The following DLG1 variants were observed in gnomAD, a reference collection of about 807,000 sequenced individuals.
DLG1 encodes discs large MAGUK scaffold protein 1, also known as disks large homolog 1.
Under a neutral mutation model 123.4 loss-of-function variants are expected in DLG1, and 42 were observed. The observed-to-expected ratio is 0.34, with a 90% CI of 0.27 to 0.44. DLG1 has a LOEUF of 0.44. Ranked by LOEUF, DLG1 falls within the 20% of genes least tolerant of loss-of-function variation. The pLI, the probability that DLG1 is intolerant of heterozygous loss-of-function variation, is 1.00. For missense variants in DLG1, 942 were observed against 1,082.6 expected, an observed-to-expected ratio of 0.87 and a Z score of 1.82; for synonymous variants, 317 against 356.2, an observed-to-expected ratio of 0.89 and a Z score of 1.24.
At chr3:197,259,472 A>G (rs1412644138) in intron 4 of DLG1, among the ~76,000 whole-genome samples, 1 of 152,030 alleles carries the variant, frequency 6.6e-6, no homozygotes, top group Non-Finnish European at 1.5e-5. Context: ...AAATTTACCT[A>G]CTCTTTTATT....
chr3:197,292,881 T>C (rs1374889281), intron 3 of DLG1, among the ~76,000 whole-genome samples: 2 of 152,322 alleles, frequency 1.3e-5, no homozygotes, highest in South Asian at 2.1e-4. Context: ...GTTTTTCTCA[T>C]GCACAAGGAA....
At chr3:197,196,436 T>A (rs1057353847) in intron 4 of DLG1, among the ~76,000 whole-genome samples, 1 of 152,116 alleles carries the variant, frequency 6.6e-6, no homozygotes, top group Non-Finnish European at 1.5e-5. Flanking sequence ...GACGTTAACA[T>A]AAACATAGAA....
At chr3:197,273,326 C>A (rs978644877) in intron 4 of DLG1, among the ~76,000 whole-genome samples, 7 of 151,808 alleles carry the variant, frequency 4.6e-5, no homozygotes, top group Non-Finnish European at 1.0e-4. Flanking sequence ...CGGCTCACTG[C>A]AACCTCTGCT....
At chr3:197,227,701 C>T (rs1740710216) in intron 4 of DLG1, among the ~76,000 whole-genome samples, 1 of 152,152 alleles carries the variant, frequency 6.6e-6, no homozygotes, top group African/African-American at 2.4e-5. Context: ...CTCAAGAACA[C>T]TTTTAATTCC....
intron 11 of DLG1, among the ~76,000 whole-genome samples, chr3:197,122,869 G>A (rs1043093877): frequency 6.6e-6 from 1 of 151,780 alleles, no homozygotes; most frequent in Admixed American, 6.6e-5. Context: ...AAATTAAAAA[G>A]GAAATTCAAA....
chr3:197,080,648 G>A (rs1203223045), intron 17 of DLG1: 1 of 154,510 alleles, frequency 6.5e-6, no homozygotes, highest in Non-Finnish European at 1.4e-5. Flanking sequence ...TTTTGGTAGA[G>A]ACGGGGTTTC....
chr3:197,089,229 T>C (rs1263053700), intron 15 of DLG1, among the ~76,000 whole-genome samples: 2 of 152,020 alleles, frequency 1.3e-5, no homozygotes, highest in Admixed American at 1.3e-4. Flanking sequence ...AGATAATATA[T>C]GGTTTTAAAA....
chr3:197,044,957 A>T (rs1560272315), intron 24 of DLG1, among the ~76,000 whole-genome samples: 2 of 152,170 alleles, frequency 1.3e-5, no homozygotes, highest in African/African-American at 4.8e-5. Context: ...AGACTTGGAG[A>T]TCTTTTCTTT....
At chr3:197,112,221 A>T (rs529938264) in intron 13 of DLG1, among the ~76,000 whole-genome samples, 1 of 152,312 alleles carries the variant, frequency 6.6e-6, no homozygotes, top group South Asian at 2.1e-4. Flanking sequence ...ACCTATTTTT[A>T]TCTAGGCATA....
rs972400967 is a variant in DLG1 at position 197,111,861 on chromosome 3, T to G, written c.1443+4066A>C. ...TGTTCCTTTTAATTGCTGAGTAGTA[T>G]TATATTGTGTAAACATACCACAATT... On this transcript the variant is annotated intron_variant, in intron 13 of 24. Transcript: ENST00000667157. Among the ~76,000 whole-genome samples the G allele has an allele frequency of 3.3e-5, 5 of 152,112 alleles. No individual in the cohort carries two copies. The South Asian group carries it at 6.2e-4, about 19-fold the overall frequency.
intron 4 of DLG1, among the ~76,000 whole-genome samples, chr3:197,205,802 G>A (rs879578004): frequency 6.6e-6 from 1 of 152,186 alleles, no homozygotes; most frequent in African/African-American, 2.4e-5. Context: ...TGTCTGAGGA[G>A]GCTCTACAGA....
At chr3:197,151,811 G>A (rs1241646538) in intron 5 of DLG1, among the ~76,000 whole-genome samples, 1 of 147,254 alleles carries the variant, frequency 6.8e-6, no homozygotes, top group Non-Finnish European at 1.5e-5. Flanking sequence ...GGGAGGCCAA[G>A]GCTGGTGGAT....
At position 197,051,640 on chromosome 3, in the gene DLG1, GTTC is replaced by G. The variant is rs760359955; in HGVS notation, c.2509_2511del (p.Glu837del). On this transcript the variant is annotated inframe_deletion, in exon 24 of 25. Transcript: ENST00000667157. The stretch of plus-strand genomic sequence containing the variant: ...GCTCTCTCAAATGTTTTTCTGGCTT[GTTC>G]TTCTGTTAGACGCTTATTCATTTCC... 3 of 1,613,444 alleles carry G rather than the reference GTTC, an allele frequency of 1.9e-6. No homozygotes were observed. The African/African-American group carries it at 4.0e-5, about 22-fold the overall frequency.
At chr3:197,101,910 T>C (rs1197373578) in intron 14 of DLG1, among the ~76,000 whole-genome samples, 1 of 152,084 alleles carries the variant, frequency 6.6e-6, no homozygotes, top group Admixed American at 6.5e-5. Flanking sequence ...CACGCATGGC[T>C]AATTAAAAAA....
intron 5 of DLG1, among the ~76,000 whole-genome samples, chr3:197,151,783 C>T (rs569395518): frequency 6.6e-6 from 1 of 152,336 alleles, no homozygotes; most frequent in African/African-American, 2.4e-5. Context: ...TGGCTCATGC[C>T]TGTAATCCTA....
chr3:197,234,539 T>C (rs1449365332), intron 4 of DLG1, among the ~76,000 whole-genome samples: 1 of 152,156 alleles, frequency 6.6e-6, no homozygotes, highest in African/African-American at 2.4e-5. Flanking sequence ...GCCATTATAA[T>C]ATGGACAGAC....
chr3:197,188,499 G>A (rs569338421), intron 5 of DLG1, among the ~76,000 whole-genome samples: 6 of 152,260 alleles, frequency 3.9e-5, no homozygotes, highest in African/African-American at 1.4e-4. Context: ...CCTAGCAGTT[G>A]ATTTTTAAAG....
rs1236823457 is a variant in DLG1, at chr3:197,044,575, C to A, written c.*48G>T. The A allele has an allele frequency of 1.5e-6, 2 of 1,367,068 alleles. No homozygotes were observed. The highest frequency in any genetic ancestry group is 1.4e-5 in the African/African-American group (1 of 69,476). The allele number at this position is 1,367,068 out of a possible 1,614,324, so 84.7% of individuals were successfully genotyped here. A position where few individuals can be genotyped will look rare whatever the true frequency, so the allele number is the denominator to read the frequency against. On this transcript the variant is annotated 3_prime_UTR_variant, in exon 25 of 25. Transcript: ENST00000667157. ...CTCCAGAGGAAAGGGCAAAGAGATG[C>A]CAAAGAAAATGGAATTGTGGAAAAG...
intron 6 of DLG1, among the ~76,000 whole-genome samples, chr3:197,145,118 C>A (rs554935201): frequency 6.6e-6 from 1 of 152,082 alleles, no homozygotes; most frequent in East Asian, 1.9e-4. Context: ...GGAGTAACTT[C>A]AAGAGCTGTG....
Sources: gnomAD v4.1 joint callset for allele counts (sites outside exome capture counted in the v4.1 genomes callset) on GRCh38, gnomAD v4.1.1 for gene constraint, MANE v1.5 for transcripts, NCBI Gene and HGNC (gene_info 2026-07-23, HGNC 2026-07-21) for gene names.